The following SYMPK variants were observed in gnomAD, a reference collection of about 807,000 sequenced individuals.
The protein encoded by SYMPK is symplekin.
A neutral mutation model predicts 136.4 loss-of-function variants in SYMPK; 49 were observed. That is an observed-to-expected ratio of 0.36 (90% CI 0.29 to 0.46). SYMPK has a LOEUF of 0.46. Among genes scored for constraint, SYMPK ranks in the 20% least tolerant of loss-of-function variants. SYMPK has a pLI of 1.00. For synonymous variants in SYMPK, 766 were observed against 713.0 expected (o/e 1.07, Z -1.19); for missense variants, 1,365 against 1,690.0 (o/e 0.81, Z 3.37).
chr19:45,815,433 T>TTC lies in SYMPK; in HGVS notation c.*126_*127insGA. The TTC allele has an allele frequency of 1.9e-6, 2 of 1,059,598 alleles. No homozygotes were observed. Among genetic ancestry groups the TTC allele is most frequent in the Non-Finnish European group, 2.6e-6 (2 of 769,074 alleles). 65.6% of individuals were successfully genotyped at this position (1,059,598 alleles called of 1,614,324 possible). On this transcript the variant is annotated 3_prime_UTR_variant, in exon 27 of 27. Transcript: ENST00000245934. ...CAGGCCCGCCATCCCTTTTTTTTTT[T>TTC]CTTTTCAGTAACTTGCCCAAGTTCA...
At chr19:45,832,788 T>A (rs966393585) in intron 11 of SYMPK, among the ~76,000 whole-genome samples, 1 of 146,506 alleles carries the variant, frequency 6.8e-6, no homozygotes, top group African/African-American at 2.6e-5. Context: ...GGAGAGTGGA[T>A]CACCTGAGGT....
intron 20 of SYMPK, 25 bp downstream of exon 20, chr19:45,823,347 G>A (rs749615668): frequency 6.2e-7 from 1 of 1,610,144 alleles, no homozygotes; most frequent in Admixed American, 1.7e-5. Context: ...AGGTAGCAGG[G>A]ACAAACAGGC....
intron 1 of SYMPK, among the ~76,000 whole-genome samples, chr19:45,859,266 CCT>C (rs946190575): frequency 2.0e-5 from 3 of 151,314 alleles, no homozygotes; most frequent in African/African-American, 7.3e-5. Flanking sequence ...ACTTTTTCCC[CCT>C]TTCTCACTAC....
Position 45,842,308 on chromosome 19 carries a change from CT to C in SYMPK, c.1028del (p.Lys343ArgfsTer18). The C allele has an allele frequency of 6.2e-7, 1 of 1,614,198 alleles. No individual in the cohort carries two copies. Among genetic ancestry groups the C allele is most frequent in the South Asian group, 1.1e-5 (1 of 91,082 alleles). ...CATCGCGGGGCCGCTTGCGGGTGTCCTTGCTGCTCGGCATGTTGCGGGCGAT... is the reference window on the plus strand; with the variant it reads ...CATCGCGGGGCCGCTTGCGGGTGTCCTGCTGCTCGGCATGTTGCGGGCGAT... ...AEIARNMPSS[K>X]DTRKRPRDDS... On this transcript the variant is annotated frameshift_variant, in exon 9 of 27. Transcript: ENST00000245934. LOFTEE classifies it high-confidence loss of function.
chr19:45,823,455 G>A lies in SYMPK; in HGVS notation c.2617C>T (p.Leu873=). The change falls in exon 20 of 27, where the codon CTG becomes TTG. Residue 873 remains leucine, a synonymous_variant. Coordinates refer to ENST00000245934, the MANE Select transcript of SYMPK (RefSeq NM_004819.3). ...TAGAGATCCCGGACCCGCTTCACCA[G>A]CTCTGGGGAGGGTGGGACTGCATGG... is the stretch of plus-strand genomic sequence containing the variant. The part of the protein sequence containing the change: ...LTDKVPPSPE[L]VKRVRDLYHK... 6.2e-7 allele frequency: 1 copy of A among 1,613,972 alleles called. No homozygotes were observed. The highest frequency in any genetic ancestry group is 8.5e-7 in the Non-Finnish European group (1 of 1,180,022).
At chr19:45,850,858 G>A (rs1971681169) in intron 5 of SYMPK, among the ~76,000 whole-genome samples, 1 of 152,110 alleles carries the variant, frequency 6.6e-6, no homozygotes, top group African/African-American at 2.4e-5. Context: ...GAACAGTGAA[G>A]GTGGGGTGCC....
chr19:45,823,889 C>T lies in SYMPK; in HGVS notation c.2491-14G>A. 1.9e-6 allele frequency: 3 copies of T among 1,608,352 alleles called. No homozygotes were observed. The highest frequency in any genetic ancestry group is 2.6e-6 in the Non-Finnish European group (3 of 1,175,488). ...CATTCCTCGGATCTAGAGGCAGAGA[C>T]AGGGATGACCAGACCCAGGGTGAGA... On this transcript the variant is annotated splice_polypyrimidine_tract_variant and intron_variant, in intron 18 of 26. Coordinates refer to ENST00000245934, the MANE Select transcript of SYMPK (RefSeq NM_004819.3).
At chr19:45,838,739 G>T in intron 9 of SYMPK, 124 bp from the exon 10 acceptor site, 1 of 1,086,772 alleles carries the variant, frequency 9.2e-7, no homozygotes. Context: ...AACAGCGGAT[G>T]AAGATCCAGG....
At chr19:45,819,284 C>G (rs1161560020) in intron 22 of SYMPK, 1 of 152,358 alleles carries the variant, frequency 6.6e-6, no homozygotes, top group East Asian at 1.9e-4. Context: ...ACTTGCCTCC[C>G]AGAGACCCTC....
intron 1 of SYMPK, among the ~76,000 whole-genome samples, chr19:45,857,409 C>CAAAAA (rs1161033225): frequency 4.1e-4 from 18 of 43,422 alleles, no homozygotes; most frequent in East Asian, 9.5e-4. Flanking sequence ...GACTCTGTCT[C>CAAAAA]AAAAAAAAAA....
chr19:45,842,735 T>G, intron 8 of SYMPK: 1 of 497,088 alleles, frequency 2.0e-6, no homozygotes, highest in Non-Finnish European at 3.5e-6. Flanking sequence ...TACATACAAT[T>G]TCGTCCTCCT....
At chr19:45,822,951 T>A in intron 20 of SYMPK, 105 bp from the exon 21 acceptor site, 1 of 888,856 alleles carries the variant, frequency 1.1e-6, no homozygotes, top group Non-Finnish European at 1.8e-6. Flanking sequence ...GAGGGCAAGC[T>A]CTGGCTCACT....
At position 45,816,497 on chromosome 19, in the gene SYMPK, C is replaced by G. The variant is rs768302818; in HGVS notation, c.3339G>C (p.Ala1113=). ...KQEPEAKEAP[A]GPLEEDDLEP... ...GGGCCCTCACCTCCTCCAAGGGCCCCGCAGGCGCCTCCTTGGCCTCTGGCT... is the reference window on the plus strand; with the variant it reads ...GGGCCCTCACCTCCTCCAAGGGCCCGGCAGGCGCCTCCTTGGCCTCTGGCT... The change falls in exon 25 of 27, where the codon GCG becomes GCC. Residue 1113 remains alanine, a synonymous_variant. Coordinates refer to ENST00000245934, the MANE Select transcript of SYMPK (RefSeq NM_004819.3). 6 of 1,612,816 alleles carry G rather than the reference C, an allele frequency of 3.7e-6. No individual in the cohort carries two copies. The highest frequency in any genetic ancestry group is 5.1e-6 in the Non-Finnish European group (6 of 1,179,854).
rs1971247410 is a variant in SYMPK, at chr19:45,834,117, T to G, written c.1393+961A>C. On this transcript the variant is annotated intron_variant, in intron 11 of 26. Coordinates refer to ENST00000245934, the MANE Select transcript of SYMPK (RefSeq NM_004819.3). The stretch of plus-strand genomic sequence containing the variant: ...CCTGGCTAAGACGGTGAAACCCCCG[T>G]CTCTACTAAAAATACAAAAAATTAG... Among the ~76,000 whole-genome samples, 5 of 152,240 alleles carry G rather than the reference T, an allele frequency of 3.3e-5. No homozygotes were observed. The South Asian group carries it at 1.0e-3, about 32-fold the overall frequency.
intron 1 of SYMPK, among the ~76,000 whole-genome samples, chr19:45,859,695 T>C (rs1340635304): frequency 8.0e-5 from 12 of 149,388 alleles, no homozygotes. Flanking sequence ...TTGGTAGGTC[T>C]AGGTGGGAGG....
chr19:45,839,096 C>T (rs923594893), intron 9 of SYMPK, among the ~76,000 whole-genome samples: 1 of 152,038 alleles, frequency 6.6e-6, no homozygotes, highest in Non-Finnish European at 1.5e-5. Flanking sequence ...ACCATGTTGG[C>T]CAGGCTGGTC....
chr19:45,816,112 T>C lies in SYMPK; in HGVS notation c.3426A>G (p.Arg1142=). 1 of 1,555,326 alleles carries C rather than the reference T, an allele frequency of 6.4e-7. No homozygotes were observed. Among genetic ancestry groups the C allele is most frequent in the African/African-American group, 1.4e-5 (1 of 73,656 alleles). ...GCTTTAAGGCCTTCTCCTGGGCCAG[T>C]CGCAGGCCGATGAGGTCCTGAGGGG... is the stretch of plus-strand genomic sequence containing the variant. ...PRPPQDLIGL[R]LAQEKALKRQ... The change falls in exon 26 of 27, where the codon CGA becomes CGG. Residue 1142 remains arginine, a synonymous_variant. Coordinates refer to ENST00000245934, the MANE Select transcript of SYMPK (RefSeq NM_004819.3).
Position 45,847,969 on chromosome 19 carries a change from T to C in SYMPK, c.459A>G (p.Leu153=). ...ATACCATGTCCCAGCAGGCCTCCTG[T>C]AGCTCGCTAATGACCCGTGACTTTA... ...WMVKSRVISE[L]QEACWDMVSA... The change falls in exon 7 of 27, where the codon CTA becomes CTG. Residue 153 remains leucine, a synonymous_variant. Coordinates refer to ENST00000245934, the MANE Select transcript of SYMPK (RefSeq NM_004819.3). 6.2e-7 allele frequency: 1 copy of C among 1,604,572 alleles called. No individual in the cohort carries two copies.
intron 8 of SYMPK, 98 bp from the exon 9 acceptor site, chr19:45,842,587 G>C: frequency 6.6e-7 from 1 of 1,521,638 alleles, no homozygotes; most frequent in Non-Finnish European, 8.8e-7. Context: ...GGTCTTGCAG[G>C]CATCTACTAG....
Sources: gnomAD v4.1 joint callset for allele counts (sites outside exome capture counted in the v4.1 genomes callset) on GRCh38, gnomAD v4.1.1 for gene constraint, MANE v1.5 for transcripts, NCBI Gene and HGNC (gene_info 2026-07-23, HGNC 2026-07-21) for gene names.